Variants in NRG1 observed in about 807,000 individuals in gnomAD.
NRG1 encodes the protein neuregulin 1, also known as pro-neuregulin-1, membrane-bound isoform.
A neutral mutation model predicts 63.8 loss-of-function variants in NRG1; 18 were observed. The ratio of observed to expected loss-of-function variants is 0.28; its 90% CI spans 0.19 to 0.42. NRG1 has a LOEUF of 0.42. NRG1 is among the 10% of genes least tolerant of loss of function. The pLI is 1.00. For missense variants in NRG1, 762 were observed against 814.7 expected (o/e 0.94, Z 0.79); for synonymous variants, 302 against 301.3 (o/e 1.00, Z -0.02).
At chr8:32,487,676 C>G (rs539698521) in intron 1 of NRG1, among the ~76,000 whole-genome samples, 53 of 152,286 alleles carry the variant, frequency 3.5e-4, no homozygotes, top group African/African-American at 1.2e-3. Context: ...GTCTTGTGAG[C>G]ATTTGGTGCC....
intron 1 of NRG1, among the ~76,000 whole-genome samples, chr8:32,274,950 A>C (rs1851934628): frequency 6.6e-6 from 1 of 152,134 alleles, no homozygotes; most frequent in South Asian, 2.1e-4. Flanking sequence ...TGATCCTCCC[A>C]TGTACCAGAA....
intron 1 of NRG1, among the ~76,000 whole-genome samples, chr8:31,796,719 G>C (rs914328530): frequency 6.6e-6 from 1 of 152,142 alleles, no homozygotes; most frequent in Non-Finnish European, 1.5e-5. Flanking sequence ...TTACAGGCGT[G>C]AGCCACTGCG....
chr8:32,341,444 A>C (rs1467622644), intron 1 of NRG1, among the ~76,000 whole-genome samples: 2 of 152,220 alleles, frequency 1.3e-5, no homozygotes, highest in Non-Finnish European at 2.9e-5. Flanking sequence ...TCTACAGAAG[A>C]CTGTAAGGAC....
intron 1 of NRG1, among the ~76,000 whole-genome samples, chr8:32,310,251 T>TA (rs1856668790): frequency 6.6e-6 from 1 of 152,198 alleles, no homozygotes; most frequent in South Asian, 2.1e-4. Context: ...ATGGAATGCA[T>TA]AGAAAAAAGA....
rs982286478 is a variant in NRG1 at position 32,447,965 on chromosome 8, T to G, written c.38-147863T>G. 3.3e-5 allele frequency among the ~76,000 whole-genome samples: 5 copies of G among 152,204 alleles called. No homozygotes were observed. In the South Asian group the frequency reaches 1.0e-3, roughly 31 times the overall value. On this transcript the variant is annotated intron_variant, in intron 1 of 10. Coordinates refer to the NRG1 transcript ENST00000519301. ...GATAATTTTTTCCAAAGTGTTAATC[T>G]TAGGGGTTGAAATTTTTATAGGTAA...
chr8:31,821,435 G>T (rs1823998414), intron 1 of NRG1, among the ~76,000 whole-genome samples: 1 of 152,148 alleles, frequency 6.6e-6, no homozygotes, highest in Admixed American at 6.5e-5. Context: ...CAAGCGTCAT[G>T]GCTATTAGCA....
At chr8:31,784,674 A>C (rs985795624) in intron 1 of NRG1, among the ~76,000 whole-genome samples, 3 of 152,092 alleles carry the variant, frequency 2.0e-5, no homozygotes, top group Non-Finnish European at 4.4e-5. Flanking sequence ...ACACCTTAGG[A>C]CTTCTCTCTA....
intron 6 of NRG1, among the ~76,000 whole-genome samples, chr8:32,734,843 C>T (rs1824594070): frequency 6.6e-6 from 1 of 152,174 alleles, no homozygotes; most frequent in Non-Finnish European, 1.5e-5. Context: ...TTATAAAAAT[C>T]AGTTGAGCAG....
chr8:32,692,367 C>T (rs1378799533), intron 5 of NRG1, among the ~76,000 whole-genome samples: 1 of 152,170 alleles, frequency 6.6e-6, no homozygotes, highest in African/African-American at 2.4e-5. Context: ...ACACAATTTT[C>T]TGTCATGTAG....
chr8:32,267,809 C>A, intron 1 of NRG1, among the ~76,000 whole-genome samples: 1 of 152,142 alleles, frequency 6.6e-6, no homozygotes. Flanking sequence ...TATTTATGCA[C>A]CAATTTCATA....
intron 5 of NRG1, among the ~76,000 whole-genome samples, chr8:32,620,526 A>G (rs1476546716): frequency 6.6e-6 from 1 of 151,628 alleles, no homozygotes; most frequent in Non-Finnish European, 1.5e-5. Context: ...TAGAAGAAAA[A>G]AAAAAAAAAA....
At chr8:32,328,500 T>C (rs994456621) in intron 1 of NRG1, among the ~76,000 whole-genome samples, 5 of 152,266 alleles carry the variant, frequency 3.3e-5, no homozygotes, top group African/African-American at 1.2e-4. Context: ...TTTTACCTTT[T>C]CAAATATCCA....
At chr8:31,846,819 T>C (rs1432213599) in intron 1 of NRG1, among the ~76,000 whole-genome samples, 6 of 152,128 alleles carry the variant, frequency 3.9e-5, no homozygotes, top group Non-Finnish European at 7.4e-5. Context: ...AAACATGATG[T>C]GTTAGGATTG....
Position 31,910,085 on chromosome 8 carries a change from G to T in NRG1, c.37+270654G>T, listed in dbSNP as rs185301796. ...GAGTGCCCTGATAAAAATTAAGTACGCTGACTTATTTCCATAGGGTTTCTG... is the reference window on the plus strand; with the variant it reads ...GAGTGCCCTGATAAAAATTAAGTACTCTGACTTATTTCCATAGGGTTTCTG... On this transcript the variant is annotated intron_variant, in intron 1 of 10. Transcript: ENST00000519301. 3.1e-3 allele frequency among the ~76,000 whole-genome samples: 471 copies of T among 152,300 alleles called. 1 individual carries two copies. Among genetic ancestry groups the T allele is most frequent in the Middle Eastern group, 6.8e-3 (2 of 294 alleles).
chr8:32,441,793 C>A lies in NRG1; in HGVS notation c.38-154035C>A, dbSNP rs149564009. 9.7e-4 allele frequency among the ~76,000 whole-genome samples: 147 copies of A among 152,068 alleles called. 1 individual carries two copies. The highest frequency in any genetic ancestry group is 3.3e-3 in the Admixed American group (50 of 15,276). On this transcript the variant is annotated intron_variant, in intron 1 of 10. Transcript: ENST00000519301. ...AGAAATGTAATGCTAACAGTAGGTG[C>A]CAAGGCCGAACATCAGGGAAAAGAC...
At chr8:31,920,448 C>T (rs548961466) in intron 1 of NRG1, among the ~76,000 whole-genome samples, 2 of 152,148 alleles carry the variant, frequency 1.3e-5, no homozygotes, top group East Asian at 1.9e-4. Context: ...TTCAGTAGTA[C>T]CAAAATCTAA....
chr8:32,408,688 C>T (rs1310472981), intron 1 of NRG1, among the ~76,000 whole-genome samples: 1 of 152,144 alleles, frequency 6.6e-6, no homozygotes, highest in Non-Finnish European at 1.5e-5. Context: ...TACCTGAATG[C>T]ACACAGGGAA....
chr8:32,359,397 A>T (rs1374828684), intron 1 of NRG1, among the ~76,000 whole-genome samples: 1 of 152,138 alleles, frequency 6.6e-6, no homozygotes, highest in Non-Finnish European at 1.5e-5. Context: ...TTATATCCCC[A>T]TGCATTGACT....
chr8:31,674,364 G>T (rs373170416), intron 1 of NRG1, among the ~76,000 whole-genome samples: 1 of 152,030 alleles, frequency 6.6e-6, no homozygotes, highest in Non-Finnish European at 1.5e-5. Flanking sequence ...AACGTATAAG[G>T]GTTTCACTTT....
Sources: gnomAD v4.1 joint callset for allele counts (sites outside exome capture counted in the v4.1 genomes callset) on GRCh38, gnomAD v4.1.1 for gene constraint, MANE v1.5 for transcripts, NCBI Gene and HGNC (gene_info 2026-07-23, HGNC 2026-07-21) for gene names.